Variants in DNER observed in about 807,000 individuals in gnomAD.
The protein encoded by DNER is delta and Notch-like epidermal growth factor-related receptor.
In DNER, 33 loss-of-function variants were observed where a neutral mutation model predicts 78.2. The observed-to-expected ratio is 0.42, with a 90% confidence interval of 0.32 to 0.56. DNER has a LOEUF of 0.56. Ranked by LOEUF, DNER falls within the 20% of genes least tolerant of loss-of-function variation. The pLI is 0.11. For missense variants in DNER, 918 were observed against 975.3 expected (o/e 0.94, Z 0.78); for synonymous variants, 417 against 384.8 (o/e 1.08, Z -0.98).
chr2:229,435,635 T>G (rs1470225028), intron 8 of DNER, among the ~76,000 whole-genome samples: 1 of 152,182 alleles, frequency 6.6e-6, no homozygotes, highest in East Asian at 1.9e-4. Flanking sequence ...GTACTACATA[T>G]TCCTTAGTTT....
chr2:229,625,849 A>G (rs1698330043), intron 1 of DNER, among the ~76,000 whole-genome samples: 1 of 152,012 alleles, frequency 6.6e-6, no homozygotes, highest in African/African-American at 2.4e-5. Context: ...GTTCACAGGT[A>G]TGGAAAGGCC....
At chr2:229,472,016 C>A (rs1278482501) in intron 7 of DNER, among the ~76,000 whole-genome samples, 1 of 152,132 alleles carries the variant, frequency 6.6e-6, no homozygotes, top group Non-Finnish European at 1.5e-5. Context: ...ATTGTAAGAT[C>A]TTTGATGTCT....
At chr2:229,362,152 T>C (rs1410593569) in intron 12 of DNER, among the ~76,000 whole-genome samples, 2 of 152,232 alleles carry the variant, frequency 1.3e-5, no homozygotes, top group African/African-American at 4.8e-5. Flanking sequence ...CGAGGGGTGA[T>C]GCATCCATTG....
intron 1 of DNER, among the ~76,000 whole-genome samples, chr2:229,699,220 T>G (rs775762423): frequency 3.2e-4 from 47 of 147,066 alleles, no homozygotes; most frequent in Admixed American, 6.7e-5. Context: ...GAGTAGTTCT[T>G]AAAAAAAAGA....
At chr2:229,657,013 G>GTGT (rs1698924521) in intron 1 of DNER, among the ~76,000 whole-genome samples, 3 of 28,720 alleles carry the variant, frequency 1.0e-4, no homozygotes, top group Non-Finnish European at 2.4e-4. Flanking sequence ...TGTGTGTGTG[G>GTGT]TGAGAACATG....
intron 6 of DNER, among the ~76,000 whole-genome samples, chr2:229,489,542 G>T (rs892402156): frequency 2.2e-4 from 34 of 151,554 alleles, no homozygotes; most frequent in African/African-American, 8.0e-4. Context: ...AGGAGGGGGA[G>T]GAAGAGGAAG....
intron 1 of DNER, among the ~76,000 whole-genome samples, chr2:229,617,047 A>G (rs1371640496): frequency 6.6e-6 from 1 of 152,244 alleles, no homozygotes. Flanking sequence ...TCAACCTTGC[A>G]TTGATTTCAA....
At chr2:229,422,195 A>T (rs1338747669) in intron 8 of DNER, among the ~76,000 whole-genome samples, 1 of 152,230 alleles carries the variant, frequency 6.6e-6, no homozygotes, top group Non-Finnish European at 1.5e-5. Context: ...TTTGAATAAA[A>T]AGGCACTCCT....
intron 8 of DNER, among the ~76,000 whole-genome samples, chr2:229,436,841 A>T (rs1245360550): frequency 3.3e-5 from 5 of 152,214 alleles, no homozygotes; most frequent in Non-Finnish European, 7.3e-5. Flanking sequence ...CACTACAAAA[A>T]CACACTTAAG....
At chr2:229,682,361 T>C (rs747902496) in intron 1 of DNER, among the ~76,000 whole-genome samples, 5 of 152,232 alleles carry the variant, frequency 3.3e-5, no homozygotes, top group Non-Finnish European at 5.9e-5. Flanking sequence ...TTAGTATAAC[T>C]AAGGGTAACT....
rs529556211 is a variant in DNER, at chr2:229,447,413, C to T, written c.1389G>A (p.Pro463=). The part of the protein sequence containing the change: ...TCNCSPGFTG[P]TCAQLIDFCA... ...AGAAGTCAATAAGCTGGGCACAGGT[C>T]GGCCCTGTGAAGCCCGGGCTGCAGT... Residue 463 remains proline (P), a synonymous_variant, in exon 8 of 13, where the codon CCG becomes CCA. Transcript: ENST00000341772. The T allele has an allele frequency of 2.0e-5, 32 of 1,613,900 alleles. No individual in the cohort carries two copies. Among genetic ancestry groups the T allele is most frequent in the East Asian group, 1.3e-4 (6 of 44,866 alleles).
chr2:229,407,935 A>G (rs1187530376), intron 9 of DNER, among the ~76,000 whole-genome samples: 3 of 152,222 alleles, frequency 2.0e-5, no homozygotes, highest in Non-Finnish European at 4.4e-5. Context: ...CTGAGGAAAG[A>G]GTCGAAGATC....
chr2:229,513,515 A>G (rs1161447995), intron 5 of DNER, among the ~76,000 whole-genome samples: 3 of 152,232 alleles, frequency 2.0e-5, no homozygotes, highest in African/African-American at 7.2e-5. Context: ...TATTAACATT[A>G]TCTTAGTAAA....
chr2:229,713,806 C>T (rs1325541824), intron 1 of DNER, among the ~76,000 whole-genome samples: 2 of 152,302 alleles, frequency 1.3e-5, no homozygotes, highest in South Asian at 2.1e-4. Flanking sequence ...GCTGCCAAGG[C>T]GGGCACCGCT....
intron 1 of DNER, among the ~76,000 whole-genome samples, chr2:229,676,399 G>A (rs758628452): frequency 6.6e-6 from 1 of 152,048 alleles, no homozygotes; most frequent in Non-Finnish European, 1.5e-5. Context: ...AAGATTCAAC[G>A]TTTCTGAAAA....
At position 229,388,312 on chromosome 2, in the gene DNER, T is replaced by C; in HGVS notation, c.1808A>G (p.Tyr603Cys). Residue 603 changes from tyrosine to cysteine, a missense_variant, in exon 11 of 13, where the codon TAT (tyrosine) becomes TGT (cysteine). Physicochemically the swap from Tyr to Cys is radical, Grantham distance 194. Coordinates refer to ENST00000341772, the MANE Select transcript of DNER (RefSeq NM_139072.4). Reference sequence around the variant, plus strand: ...CCAACCATGCGGGCAGTGGCAGTTATAACCATTGGGCTGGTCCAGGCAGCT... The same window carrying C: ...CCAACCATGCGGGCAGTGGCAGTTACAACCATTGGGCTGGTCCAGGCAGCT... ...GGSCLDQPNG[Y>C]NCHCPHGWVG... 1 of 1,611,574 alleles carries C rather than the reference T, an allele frequency of 6.2e-7. No homozygotes were observed. Among genetic ancestry groups the C allele is most frequent in the Non-Finnish European group, 8.5e-7 (1 of 1,178,662 alleles).
In DNER at chr2:229,448,772, T is replaced by C. The variant is rs1694393345; in HGVS notation, c.1262-1232A>G. 2.6e-5 allele frequency among the ~76,000 whole-genome samples: 4 copies of C among 152,306 alleles called. No homozygotes were observed. The South Asian group carries it at 8.3e-4, about 32-fold the overall frequency. On this transcript the variant is annotated intron_variant, in intron 7 of 12. Transcript: ENST00000341772. Reference sequence around the variant, plus strand: ...CAATACTTTAAGAGCAGTTTGAAAATTAAATATTATTCAAATTTTAGAAAT... The same window carrying C: ...CAATACTTTAAGAGCAGTTTGAAAACTAAATATTATTCAAATTTTAGAAAT...
At position 229,702,306 on chromosome 2, in the gene DNER, G is replaced by A. The variant is rs766718741; in HGVS notation, c.276+11842C>T. 3.3e-4 allele frequency among the ~76,000 whole-genome samples: 50 copies of A among 150,566 alleles called. 1 individual carries two copies. The highest frequency in any genetic ancestry group is 9.3e-4 in the African/African-American group (38 of 40,898). On this transcript the variant is annotated intron_variant, in intron 1 of 12. Transcript: ENST00000341772. ...TCCCAGCACTTTGGGAGGTCAAGGC[G>A]GGAGGATCACTTGAGCCCAGGAGGT...
chr2:229,693,280 GTTT>G (rs1699610944), intron 1 of DNER, among the ~76,000 whole-genome samples: 2 of 151,696 alleles, frequency 1.3e-5, no homozygotes, highest in Non-Finnish European at 2.9e-5. Flanking sequence ...ATGATTGTAA[GTTT>G]CCTGAGCCCT....
Sources: allele counts gnomAD v4.1 joint callset (sites outside exome capture counted in the v4.1 genomes callset), GRCh38; gene constraint gnomAD v4.1.1; transcripts MANE v1.5; gene names NCBI Gene and HGNC (gene_info 2026-07-23, HGNC 2026-07-21).